Variants in DERA observed in about 807,000 individuals in gnomAD.
DERA encodes the protein 2-deoxy-D-ribose 5-phosphate aldolase.
A neutral mutation model predicts 41.1 loss-of-function variants in DERA; 15 were observed. The ratio of observed to expected loss-of-function variants is 0.37; its 90% CI spans 0.24 to 0.56. The LOEUF (loss-of-function observed/expected upper bound fraction) is 0.56. Among genes scored for constraint, DERA ranks in the 20% least tolerant of loss-of-function variants. DERA has a pLI of 0.81. For missense variants in DERA, 396 were observed against 403.4 expected (o/e 0.98, Z 0.16); for synonymous variants, 139 against 137.4 (o/e 1.01, Z -0.08).
chr12:15,949,456 C>A (rs1948478995), intron 1 of DERA, among the ~76,000 whole-genome samples: 2 of 119,298 alleles, frequency 1.7e-5, no homozygotes, highest in African/African-American at 5.8e-5. Context: ...GACTGCTGTG[C>A]TAGCAATGAG....
chr12:15,960,166 A>G (rs1433447041), intron 4 of DERA, among the ~76,000 whole-genome samples: 1 of 151,490 alleles, frequency 6.6e-6, no homozygotes, highest in East Asian at 1.9e-4. Context: ...AGTCAGGTAA[A>G]GAAAAAAGTC....
chr12:15,991,601 G>A (rs994736030), intron 6 of DERA, among the ~76,000 whole-genome samples: 2 of 152,098 alleles, frequency 1.3e-5, no homozygotes, highest in African/African-American at 2.4e-5. Flanking sequence ...ACAAATAAAA[G>A]CATTTTAAAT....
rs567888106 is a variant in DERA at position 16,024,742 on chromosome 12, C to G, written c.638-7800C>G. Among the ~76,000 whole-genome samples, 8 of 152,108 alleles carry G rather than the reference C, an allele frequency of 5.3e-5. No homozygotes were observed. In the South Asian group the frequency reaches 1.7e-3, roughly 32 times the overall value. On this transcript the variant is annotated intron_variant, in intron 6 of 8. Coordinates refer to ENST00000428559, the MANE Select transcript of DERA (RefSeq NM_015954.4). Reference sequence around the variant, plus strand: ...AACAAGTTTCTCAGGGAGAAGAAAACTTATATAGATCAGAAGCTTTGATCT... The same window carrying G: ...AACAAGTTTCTCAGGGAGAAGAAAAGTTATATAGATCAGAAGCTTTGATCT...
At chr12:16,027,718 T>C (rs1949062336) in intron 6 of DERA, among the ~76,000 whole-genome samples, 1 of 152,184 alleles carries the variant, frequency 6.6e-6, no homozygotes, top group Admixed American at 6.5e-5. Flanking sequence ...TACACTTCTG[T>C]TGTTTTGAGC....
At chr12:15,912,458 T>G (rs1400898784) in intron 1 of DERA, among the ~76,000 whole-genome samples, 2 of 152,254 alleles carry the variant, frequency 1.3e-5, no homozygotes, top group South Asian at 2.1e-4. Flanking sequence ...GCGTCTCGTT[T>G]AAGTATTATA....
chr12:16,030,454 T>C (rs1949084998), intron 6 of DERA, among the ~76,000 whole-genome samples: 1 of 152,230 alleles, frequency 6.6e-6, no homozygotes, highest in Non-Finnish European at 1.5e-5. Context: ...TCATTTTTGA[T>C]GTTGTAGGCA....
intron 1 of DERA, chr12:15,956,658 T>C: frequency 2.1e-6 from 1 of 482,800 alleles, no homozygotes; most frequent in Non-Finnish European, 4.0e-6. Flanking sequence ...GATGAATCAA[T>C]ACAGGTTCTT....
At chr12:15,947,409 T>G (rs1474584592) in intron 1 of DERA, among the ~76,000 whole-genome samples, 1 of 152,196 alleles carries the variant, frequency 6.6e-6, no homozygotes, top group African/African-American at 2.4e-5. Flanking sequence ...GGTGCATATA[T>G]ATTTAGGGTA....
At chr12:15,950,312 A>C (rs181837143) in intron 1 of DERA, among the ~76,000 whole-genome samples, 1 of 152,166 alleles carries the variant, frequency 6.6e-6, no homozygotes, top group East Asian at 1.9e-4. Context: ...CCCTTTTTAG[A>C]CCATATAGGG....
intron 1 of DERA, among the ~76,000 whole-genome samples, chr12:15,914,403 A>G (rs1057003525): frequency 8.6e-5 from 13 of 151,630 alleles, no homozygotes; most frequent in Non-Finnish European, 1.8e-4. Flanking sequence ...TAAAAAAAAA[A>G]AAAAAAAAAG....
chr12:15,926,924 G>C (rs1050412657), intron 1 of DERA, among the ~76,000 whole-genome samples: 1 of 152,152 alleles, frequency 6.6e-6, no homozygotes, highest in African/African-American at 2.4e-5. Flanking sequence ...AAGGATACCA[G>C]TTCTTCACTT....
chr12:16,017,698 C>A lies in DERA; in HGVS notation c.638-14844C>A, dbSNP rs549479495. Among the ~76,000 whole-genome samples the A allele has an allele frequency of 1.3e-5, 2 of 152,016 alleles. No individual in the cohort carries two copies. On this transcript the variant is annotated intron_variant, in intron 6 of 8. Transcript: ENST00000428559. This position sits in a 1 kb window ranked among gnomAD's most constrained non-coding sequence, Gnocchi z 5.5. ...TTTGAGGGCTTATATCTTTGCATACCCTGCTTAATTTTTTTCCAAGTGTCC... is the reference window on the plus strand; with the variant it reads ...TTTGAGGGCTTATATCTTTGCATACACTGCTTAATTTTTTTCCAAGTGTCC...
At chr12:16,033,427 T>C (rs999420590) in intron 7 of DERA, among the ~76,000 whole-genome samples, 2 of 152,238 alleles carry the variant, frequency 1.3e-5, no homozygotes, top group African/African-American at 2.4e-5. Flanking sequence ...CGAAAAATGA[T>C]ACATATTTTT....
chr12:16,023,060 G>A (rs915809133), intron 6 of DERA, among the ~76,000 whole-genome samples: 1 of 152,138 alleles, frequency 6.6e-6, no homozygotes, highest in South Asian at 2.1e-4. Flanking sequence ...ATCAAAATGG[G>A]CGGAGAAAAG....
intron 6 of DERA, among the ~76,000 whole-genome samples, chr12:16,031,858 G>A (rs1014279131): frequency 6.6e-6 from 1 of 152,092 alleles, no homozygotes; most frequent in Non-Finnish European, 1.5e-5. Flanking sequence ...TACTTGTAAA[G>A]CATCTAGATT....
In DERA at chr12:15,918,433, C is replaced by A. The variant is rs1019698716; in HGVS notation, c.31+7019C>A. On this transcript the variant is annotated intron_variant, in intron 1 of 8. Transcript: ENST00000428559. The surrounding 1 kb of genome is among the most constrained non-coding windows in gnomAD (Gnocchi z 4.3). Reference sequence around the variant, plus strand: ...CCATTCTGTTTGGCCCACTCTGGGCCATAGTGGTGCCCCCATTTCAACCCG... The same window carrying A: ...CCATTCTGTTTGGCCCACTCTGGGCAATAGTGGTGCCCCCATTTCAACCCG... Among the ~76,000 whole-genome samples the A allele has an allele frequency of 1.3e-5, 2 of 152,182 alleles. No individual in the cohort carries two copies. The highest frequency in any genetic ancestry group is 6.5e-5 in the Admixed American group (1 of 15,292).
intron 6 of DERA, among the ~76,000 whole-genome samples, chr12:16,022,342 A>G (rs1054488092): frequency 3.3e-5 from 5 of 152,184 alleles, no homozygotes; most frequent in East Asian, 1.9e-4. Flanking sequence ...CCAGGAGCCA[A>G]TCCTGATACA....
Position 16,001,287 on chromosome 12 carries a change from TAAAA to T in DERA, c.637+18856_637+18859del, listed in dbSNP as rs369838819. ...TTTGTTTGTTTGTTTTTAGAAGAAA[TAAAA>T]AAAACCATTCAGGCTCCCATGAGGT... On this transcript the variant is annotated intron_variant, in intron 6 of 8. Transcript: ENST00000428559. This position sits in a 1 kb window ranked among gnomAD's most constrained non-coding sequence, Gnocchi z 4.1. 2.0e-5 allele frequency among the ~76,000 whole-genome samples: 3 copies of T among 151,940 alleles called. No homozygotes were observed. Among genetic ancestry groups the T allele is most frequent in the Admixed American group, 1.3e-4 (2 of 15,258 alleles).
Position 16,032,603 on chromosome 12 carries a change from T to C in DERA, c.699T>C (p.Ala233=), listed in dbSNP as rs1180851788. The C allele has an allele frequency of 1.3e-6, 2 of 1,568,726 alleles. No individual in the cohort carries two copies. The highest frequency in any genetic ancestry group is 2.3e-5 in the East Asian group (1 of 42,928). Residue 233 remains alanine (A), a synonymous_variant, in exon 7 of 9, where the codon GCT becomes GCC. Coordinates refer to ENST00000428559, the MANE Select transcript of DERA (RefSeq NM_015954.4). Reference sequence around the variant, plus strand: ...CAGTAAATGCCACCTTCCCGGTAGCTATAGTAATGCTGCGGGCCATTAGAG... The same window carrying C: ...CAGTAAATGCCACCTTCCCGGTAGCCATAGTAATGCTGCGGGCCATTAGAG... ...KETVNATFPV[A]IVMLRAIRDF...
Sources: allele counts gnomAD v4.1 joint callset (sites outside exome capture counted in the v4.1 genomes callset), GRCh38; gene constraint gnomAD v4.1.1; non-coding constraint Gnocchi (gnomAD v3.1); transcripts MANE v1.5; gene names NCBI Gene and HGNC (gene_info 2026-07-23, HGNC 2026-07-21).